EXOC5: variants seen among roughly 807,000 people sequenced by gnomAD.
EXOC5 encodes SEC10-like 1.
Under a neutral mutation model 90.8 loss-of-function variants are expected in EXOC5, and 17 were observed. The ratio of observed to expected loss-of-function variants is 0.19; its 90% CI spans 0.13 to 0.28. The LOEUF (loss-of-function observed/expected upper bound fraction) is 0.28, where lower values mean the gene tolerates loss of function less well. EXOC5 is among the 10% of genes least tolerant of loss of function. EXOC5 has a pLI of 1.00. For missense variants in EXOC5, 569 were observed against 830.6 expected, an observed-to-expected ratio of 0.69 and a Z score of 3.87; for synonymous variants, 260 against 270.0, an observed-to-expected ratio of 0.96 and a Z score of 0.36.
At chr14:57,228,931 A>C (rs1779875747) in intron 12 of EXOC5, among the ~76,000 whole-genome samples, 1 of 151,916 alleles carries the variant, frequency 6.6e-6, no homozygotes, top group Non-Finnish European at 1.5e-5. Flanking sequence ...TGTTTCATAC[A>C]ATCTTTTGCT....
chr14:57,221,582 T>C (rs191341032), intron 13 of EXOC5, among the ~76,000 whole-genome samples: 48 of 152,302 alleles, frequency 3.2e-4, no homozygotes, highest in Admixed American at 2.9e-3. Flanking sequence ...CTGACAGGAT[T>C]TGCTGATGGA....
intron 1 of EXOC5, among the ~76,000 whole-genome samples, chr14:57,251,062 A>G (rs1243291232): frequency 6.6e-6 from 1 of 152,178 alleles, no homozygotes; most frequent in Non-Finnish European, 1.5e-5. Context: ...TAACAACTGC[A>G]CTCGCAGAAT....
chr14:57,235,097 TTCAGA>T (rs1344031863), intron 7 of EXOC5, among the ~76,000 whole-genome samples: 1 of 152,168 alleles, frequency 6.6e-6, no homozygotes, highest in Non-Finnish European at 1.5e-5. Context: ...TCAATACTCA[TTCAGA>T]TTTTACCAAA....
intron 12 of EXOC5, among the ~76,000 whole-genome samples, chr14:57,227,621 G>C (rs1883347668): frequency 6.6e-6 from 1 of 152,100 alleles, no homozygotes; most frequent in South Asian, 2.1e-4. Flanking sequence ...ACAACACTTG[G>C]TCATCAGACT....
At chr14:57,248,746 G>GT (rs1884100840) in intron 1 of EXOC5, among the ~76,000 whole-genome samples, 1 of 152,028 alleles carries the variant, frequency 6.6e-6, no homozygotes, top group Non-Finnish European at 1.5e-5. Flanking sequence ...TATCTGCAAA[G>GT]TTTTTTCTTA....
Position 57,205,797 on chromosome 14 carries a change from T to G in EXOC5, c.*2812A>C. ...TAATATAAATTAACCTAATTTAAATTAGATTTTAATTTAACCTACTTTGAT... is the reference window on the plus strand; with the variant it reads ...TAATATAAATTAACCTAATTTAAATGAGATTTTAATTTAACCTACTTTGAT... On this transcript the variant is annotated 3_prime_UTR_variant, in exon 18 of 18. Coordinates refer to ENST00000621441, the MANE Select transcript of EXOC5 (RefSeq NM_006544.4). 1 of 429,046 alleles carries G rather than the reference T, an allele frequency of 2.3e-6. No individual in the cohort carries two copies. Among genetic ancestry groups the G allele is most frequent in the Non-Finnish European group, 4.5e-6 (1 of 220,458 alleles). 26.6% of individuals were successfully genotyped at this position (429,046 alleles called of 1,614,324 possible).
Position 57,202,507 on chromosome 14 carries a change from C to T in EXOC5, c.*6102G>A, listed in dbSNP as rs1044594208. The T allele has an allele frequency of 2.6e-5, 4 of 152,126 alleles. No individual in the cohort carries two copies. The highest frequency in any genetic ancestry group is 2.0e-4 in the Admixed American group (3 of 15,264). 9.4% of individuals were successfully genotyped at this position (152,126 alleles called of 1,614,324 possible). On this transcript the variant is annotated 3_prime_UTR_variant, in exon 18 of 18. Coordinates refer to ENST00000621441, the MANE Select transcript of EXOC5 (RefSeq NM_006544.4). ...TCAAAAGGGAAAAATTTTATTTGTA[C>T]AGTATTTACAACCCTTCTGTTAAGT...
chr14:57,240,279 C>A (rs1883820665), intron 4 of EXOC5, among the ~76,000 whole-genome samples: 1 of 147,150 alleles, frequency 6.8e-6, no homozygotes, highest in Non-Finnish European at 1.5e-5. Context: ...CCACAGATAT[C>A]TTGTGGCCTA....
rs140302644 is a variant in EXOC5, at chr14:57,238,465, T to C, written c.531-1099A>G. Among the ~76,000 whole-genome samples, 302 of 148,308 alleles carry C rather than the reference T, an allele frequency of 2.0e-3. 2 individuals carry two copies. Among genetic ancestry groups the C allele is most frequent in the East Asian group, 0.017 (86 of 5,052 alleles). On this transcript the variant is annotated intron_variant, in intron 5 of 17. Transcript: ENST00000621441. ...GCATGTGTGTTCTGGAGTGGAAAAA[T>C]AGGATGAAGACAGGGTAGGGGGATG...
chr14:57,265,155 C>T (rs1884630485), intron 1 of EXOC5, among the ~76,000 whole-genome samples: 2 of 148,198 alleles, frequency 1.3e-5, no homozygotes, highest in Middle Eastern at 3.5e-3. Context: ...TTTTGCGACA[C>T]ATCTCATAGG....
chr14:57,248,165 T>G (rs1291343990), intron 1 of EXOC5, among the ~76,000 whole-genome samples: 1 of 151,880 alleles, frequency 6.6e-6, no homozygotes, highest in Non-Finnish European at 1.5e-5. Context: ...TCAGTATTGT[T>G]AGAAATGTCA....
intron 17 of EXOC5, 69 bp from the exon 18 acceptor site, chr14:57,208,866 CTT>C: frequency 9.5e-7 from 1 of 1,056,886 alleles, no homozygotes; most frequent in South Asian, 1.7e-5. Flanking sequence ...TAGCTTGTAA[CTT>C]TTTACATACT....
chr14:57,241,556 C>T (rs1883858861), intron 4 of EXOC5, among the ~76,000 whole-genome samples: 1 of 152,150 alleles, frequency 6.6e-6, no homozygotes, highest in Non-Finnish European at 1.5e-5. Context: ...GTTTAATGTA[C>T]TAACTAGTAT....
Position 57,202,858 on chromosome 14 carries a change from AT to A in EXOC5, c.*5750del, listed in dbSNP as rs1230535257. Reference sequence around the variant, plus strand: ...TGAATTCTATTTTTAAAATAAAAAAATGTACATATTACTATAAAAATAACTT... The same window carrying A: ...TGAATTCTATTTTTAAAATAAAAAAAGTACATATTACTATAAAAATAACTT... On this transcript the variant is annotated 3_prime_UTR_variant, in exon 18 of 18. Transcript: ENST00000621441. 1.3e-5 allele frequency: 2 copies of A among 152,210 alleles called. No homozygotes were observed. The highest frequency in any genetic ancestry group is 6.5e-5 in the Admixed American group (1 of 15,280). 9.4% of individuals were successfully genotyped at this position (152,210 alleles called of 1,614,324 possible).
intron 1 of EXOC5, among the ~76,000 whole-genome samples, chr14:57,262,055 C>T (rs1334326247): frequency 1.3e-5 from 2 of 152,142 alleles, no homozygotes; most frequent in Admixed American, 6.5e-5. Flanking sequence ...ACTATAATCT[C>T]CTACTTCTTG....
intron 12 of EXOC5, among the ~76,000 whole-genome samples, chr14:57,224,977 G>A (rs1356132697): frequency 2.0e-5 from 3 of 152,018 alleles, no homozygotes; most frequent in South Asian, 2.1e-4. Flanking sequence ...CAGGAGAATC[G>A]CTTGGACTGA....
intron 1 of EXOC5, among the ~76,000 whole-genome samples, chr14:57,254,728 G>A (rs748956328): frequency 3.9e-5 from 6 of 152,124 alleles, no homozygotes; most frequent in Non-Finnish European, 7.4e-5. Flanking sequence ...CAAGGTACAG[G>A]CACTCATTAT....
intron 13 of EXOC5, among the ~76,000 whole-genome samples, chr14:57,221,888 TAAGACCAA>T (rs938032441): frequency 6.6e-6 from 1 of 152,164 alleles, no homozygotes; most frequent in African/African-American, 2.4e-5. Flanking sequence ...TACTAACTAC[TAAGACCAA>T]AAGACCAAAA....
At chr14:57,252,097 T>A (rs1401393781) in intron 1 of EXOC5, among the ~76,000 whole-genome samples, 1 of 152,198 alleles carries the variant, frequency 6.6e-6, no homozygotes, top group African/African-American at 2.4e-5. Flanking sequence ...GCCCTGGAAC[T>A]CATGCCTTCA....
Sources: allele counts gnomAD v4.1 joint callset (sites outside exome capture counted in the v4.1 genomes callset), GRCh38; gene constraint gnomAD v4.1.1; transcripts MANE v1.5; gene names NCBI Gene and HGNC (gene_info 2026-07-23, HGNC 2026-07-21).